The following ZFP62 variants were observed in gnomAD, a reference collection of about 807,000 sequenced individuals.
ZFP62 encodes the protein ZFP62 zinc finger protein.
ZFP62 carries 44 observed loss-of-function variants against 56.4 expected under a neutral mutation model. The ratio of observed to expected loss-of-function variants is 0.78; its 90% CI spans 0.61 to 1.00. ZFP62 has a LOEUF of 1.00. Ranked by LOEUF, ZFP62 falls within the 50% of genes least tolerant of loss-of-function variation. ZFP62 has a pLI of 0.00. For synonymous variants in ZFP62, 421 were observed against 388.9 expected, an observed-to-expected ratio of 1.08 and a Z score of -0.97; for missense variants, 1,030 against 1,085.7, an observed-to-expected ratio of 0.95 and a Z score of 0.72.
intron 1 of ZFP62, chr5:180,851,904 AAGTT>A (rs1236451759): frequency 1.9e-6 from 1 of 517,976 alleles, no homozygotes; most frequent in Non-Finnish European, 2.5e-6. Context: ...AGTAGGACAA[AAGTT>A]AGGTAAAACT....
the ZFP62 span, among the ~76,000 whole-genome samples, chr5:180,838,640 A>T: frequency 6.6e-6 from 1 of 152,204 alleles, no homozygotes; most frequent in Non-Finnish European, 1.5e-5. Flanking sequence ...TCAGAAGCTT[A>T]TTCTCAAATG....
Position 180,850,784 on chromosome 5 carries a change from G to A in ZFP62, c.711C>T (p.Ser237=), listed in dbSNP as rs1773653747. 8 of 1,590,474 alleles carry A rather than the reference G, an allele frequency of 5.0e-6. No homozygotes were observed. The highest frequency in any genetic ancestry group is 1.8e-5 in the Admixed American group (1 of 55,704). Residue 237 remains serine, a synonymous_variant, in exon 2 of 2, where the codon AGC becomes AGT. Coordinates refer to ENST00000502412, the MANE Select transcript of ZFP62 (RefSeq NM_001172638.2). Reference sequence around the variant, plus strand: ...TCCTTTTATGCTGGTCCAGAACAGAGCTATAATTGAAGGATTTTCCACATT... The same window carrying A: ...TCCTTTTATGCTGGTCCAGAACAGAACTATAATTGAAGGATTTTCCACATT... The part of the protein sequence containing the change: ...CDECGKSFNY[S]SVLDQHKRIH...
the ZFP62 span, among the ~76,000 whole-genome samples, chr5:180,842,113 TG>T: frequency 6.6e-6 from 1 of 152,094 alleles, no homozygotes; most frequent in African/African-American, 2.4e-5. Flanking sequence ...GAGCACTCAA[TG>T]GGTATATTTA....
At chr5:180,843,651 A>G (rs935577024), downstream of ZFP62, among the ~76,000 whole-genome samples, 24 of 152,378 alleles carry the variant, frequency 1.6e-4, 1 homozygote, top group Middle Eastern at 3.4e-3. Context: ...CCTCAAATAT[A>G]TAAAGCAAAG....
chr5:180,854,105 A>C (rs894106791), intron 1 of ZFP62, among the ~76,000 whole-genome samples: 6 of 152,232 alleles, frequency 3.9e-5, no homozygotes, highest in Non-Finnish European at 8.8e-5. Context: ...CTAGTACCCC[A>C]TTCTGGGTCT....
chr5:180,850,029 C>A lies in ZFP62; in HGVS notation c.1466G>T (p.Arg489Leu), dbSNP rs879072692. 9 of 1,551,310 alleles carry A rather than the reference C, an allele frequency of 5.8e-6. No homozygotes were observed. The South Asian group carries it at 9.5e-5, about 16-fold the overall frequency. ...TCCTTTGTGATTTTTAAGGCTAGAG[C>A]GTGAGATATAGGCTTTCCCACACAC... Reference protein sequence around the residue: ...CDVCGKAYISRSSLKNHKGIH... With the variant: ...CDVCGKAYISLSSLKNHKGIH... The change falls in exon 2 of 2, where the codon CGC becomes CTC. Residue 489 changes from arginine to leucine, a missense_variant. Transcript: ENST00000502412.
intron 1 of ZFP62, among the ~76,000 whole-genome samples, chr5:180,860,267 C>G (rs1239407646): frequency 6.6e-6 from 1 of 152,162 alleles, no homozygotes; most frequent in Non-Finnish European, 1.5e-5. Flanking sequence ...GATACCTAAG[C>G]GGGATGGGAA....
the ZFP62 span, among the ~76,000 whole-genome samples, chr5:180,836,938 TGAG>T: frequency 6.6e-6 from 1 of 152,246 alleles, no homozygotes; most frequent in East Asian, 1.9e-4. Context: ...TGCTATCAAA[TGAG>T]AATCTCCAGA....
chr5:180,855,221 T>C (rs1405625549), intron 1 of ZFP62, among the ~76,000 whole-genome samples: 1 of 152,242 alleles, frequency 6.6e-6, no homozygotes, highest in Non-Finnish European at 1.5e-5. Context: ...GGAATCTTTT[T>C]ACTGTTCGTA....
intron 1 of ZFP62, among the ~76,000 whole-genome samples, chr5:180,860,862 A>AT (rs547113141): frequency 1.1e-3 from 168 of 152,196 alleles, no homozygotes; most frequent in African/African-American, 3.8e-3. Flanking sequence ...ATTTTTAGGG[A>AT]TCCCCTCCCA....
Position 180,849,442 on chromosome 5 carries a change from G to A in ZFP62, c.2053C>T (p.His685Tyr). The A allele has an allele frequency of 1.9e-6, 3 of 1,551,900 alleles. No individual in the cohort carries two copies. Among genetic ancestry groups the A allele is most frequent in the Non-Finnish European group, 2.6e-6 (3 of 1,147,072 alleles). Reference sequence around the variant, plus strand: ...CTCTTATGGTTAATAAGGCTTGAGTGTGAGATGTAGGCTTTTCCACACACA... The same window carrying A: ...CTCTTATGGTTAATAAGGCTTGAGTATGAGATGTAGGCTTTTCCACACACA... ...CDVCGKAYISHSSLINHKSTH... is the reference protein window; with the variant it reads ...CDVCGKAYISYSSLINHKSTH... The change falls in exon 2 of 2, where the codon CAC (histidine) becomes TAC (tyrosine). Residue 685 changes from histidine (H) to tyrosine (Y), a missense_variant. Transcript: ENST00000502412.
chr5:180,839,955 GAACT>G, the ZFP62 span, among the ~76,000 whole-genome samples: 4 of 152,218 alleles, frequency 2.6e-5, no homozygotes, highest in East Asian at 3.9e-4. Context: ...AATTAATGAA[GAACT>G]AACCTTACAA....
At chr5:180,845,588 T>C (rs1164098078), downstream of ZFP62, 1 of 418,062 alleles carries the variant, frequency 2.4e-6, no homozygotes, top group Non-Finnish European at 3.2e-6. Context: ...GGAAGACAAT[T>C]GAAGTACTGT....
downstream of ZFP62, among the ~76,000 whole-genome samples, chr5:180,843,646 A>AAT (rs1773358882): frequency 6.6e-6 from 1 of 152,262 alleles, no homozygotes; most frequent in Admixed American, 6.5e-5. Context: ...TGTGGCCTCA[A>AAT]ATATATAAAG....
chr5:180,837,275 CT>C, the ZFP62 span, among the ~76,000 whole-genome samples: 1 of 152,240 alleles, frequency 6.6e-6, no homozygotes, highest in East Asian at 1.9e-4. Context: ...ATCTTTTCTG[CT>C]TTTTCATACA....
At chr5:180,844,619 C>T (rs1434545145), downstream of ZFP62, among the ~76,000 whole-genome samples, 1 of 152,180 alleles carries the variant, frequency 6.6e-6, no homozygotes, top group Non-Finnish European at 1.5e-5. Flanking sequence ...TGAGGCAGCC[C>T]TCAACCCCCA....
chr5:180,848,532 T>C lies in ZFP62; in HGVS notation c.*260A>G, dbSNP rs1398579457. Reference sequence around the variant, plus strand: ...CAGAAATGTCTACTGATTTTGAAGATTTGCTTCACATTCCATCACTCAGAT... The same window carrying C: ...CAGAAATGTCTACTGATTTTGAAGACTTGCTTCACATTCCATCACTCAGAT... On this transcript the variant is annotated 3_prime_UTR_variant, in exon 2 of 2. Coordinates refer to ENST00000502412, the MANE Select transcript of ZFP62 (RefSeq NM_001172638.2). 1.0e-5 allele frequency: 12 copies of C among 1,183,428 alleles called. No individual in the cohort carries two copies. The highest frequency in any genetic ancestry group is 1.2e-5 in the Non-Finnish European group (11 of 955,678). 73.3% of individuals were successfully genotyped at this position (1,183,428 alleles called of 1,614,324 possible). A position where few individuals can be genotyped will look rare whatever the true frequency, so the allele number is the denominator to read the frequency against.
At chr5:180,841,469 A>G in the ZFP62 span, among the ~76,000 whole-genome samples, 1 of 152,166 alleles carries the variant, frequency 6.6e-6, no homozygotes, top group Non-Finnish European at 1.5e-5. Flanking sequence ...GAAAGTTAAC[A>G]AAATACAAAG....
At position 180,850,617 on chromosome 5, in the gene ZFP62, C is replaced by A. The variant is rs1773642866; in HGVS notation, c.878G>T (p.Ser293Ile). ...CCTTTTATGGACCCTAAGGCCAGAGCTGTTACTGAAGGTTTTCCCACAGAT... is the reference window on the plus strand; with the variant it reads ...CCTTTTATGGACCCTAAGGCCAGAGATGTTACTGAAGGTTTTCCCACAGAT... The part of the protein sequence containing the change: ...CDICGKTFSN[S>I]SGLRVHKRIH... The change falls in exon 2 of 2, where the codon AGC becomes ATC. Residue 293 changes from serine to isoleucine, a missense_variant. Ser to Ile is a moderately radical substitution (Grantham distance 142). Transcript: ENST00000502412. The A allele has an allele frequency of 2.5e-6, 4 of 1,569,040 alleles. 1 individual carries two copies. In the East Asian group the frequency reaches 9.5e-5, roughly 37 times the overall value.
Sources: gnomAD v4.1 joint callset for allele counts (sites outside exome capture counted in the v4.1 genomes callset) on GRCh38, gnomAD v4.1.1 for gene constraint, MANE v1.5 for transcripts, NCBI Gene and HGNC (gene_info 2026-07-23, HGNC 2026-07-21) for gene names.